The following CEP290 variants were observed in gnomAD, a reference collection of about 807,000 sequenced individuals.
CEP290 encodes centrosomal protein 290.
In CEP290, 317 loss-of-function variants were observed where a neutral mutation model predicts 344.9. That is an observed-to-expected ratio of 0.92 (90% CI 0.84 to 1.01). The LOEUF is 1.01. Ranked by LOEUF, CEP290 falls within the 50% of genes least tolerant of loss-of-function variation. The pLI is 0.00. For missense variants in CEP290, 2,754 were observed against 2,761.4 expected, an observed-to-expected ratio of 1.00 and a Z score of 0.06; for synonymous variants, 932 against 895.8, an observed-to-expected ratio of 1.04 and a Z score of -0.72.
chr12:88,125,388 C>A lies in CEP290; in HGVS notation c.1066-19G>T. 1.7e-6 allele frequency: 2 copies of A among 1,195,622 alleles called. No homozygotes were observed. Among genetic ancestry groups the A allele is most frequent in the South Asian group, 3.0e-5 (1 of 33,222 alleles). The allele number at this position is 1,195,622 out of a possible 1,614,324, so 74.1% of individuals were successfully genotyped here. A position where few individuals can be genotyped will look rare whatever the true frequency, so the allele number is the denominator to read the frequency against. On this transcript the variant is annotated intron_variant, in intron 12 of 53. Transcript: ENST00000552810. ...GTATACCCTATAAAATATTTTAAAACAATATATATCCCTTCATGAATATTA... is the reference window on the plus strand; with the variant it reads ...GTATACCCTATAAAATATTTTAAAAAAATATATATCCCTTCATGAATATTA...
intron 13 of CEP290, among the ~76,000 whole-genome samples, chr12:88,124,068 T>G (rs2039580189): frequency 6.6e-6 from 1 of 152,118 alleles, no homozygotes; most frequent in Non-Finnish European, 1.5e-5. Context: ...AATAGTCTTC[T>G]AACAGGTCTC....
At position 88,079,243 on chromosome 12, in the gene CEP290, A is replaced by G; in HGVS notation, c.5227-14T>C. 1 of 1,324,094 alleles carries G rather than the reference A, an allele frequency of 7.6e-7. No individual in the cohort carries two copies. Among genetic ancestry groups the G allele is most frequent in the Non-Finnish European group, 1.0e-6 (1 of 979,622 alleles). The allele number at this position is 1,324,094 out of a possible 1,614,324, so 82.0% of individuals were successfully genotyped here. A position where few individuals can be genotyped will look rare whatever the true frequency, so the allele number is the denominator to read the frequency against. On this transcript the variant is annotated splice_polypyrimidine_tract_variant and intron_variant, in intron 38 of 53. Coordinates refer to ENST00000552810, the MANE Select transcript of CEP290 (RefSeq NM_025114.4). The stretch of plus-strand genomic sequence containing the variant: ...CCGACTAAGTGCCTAAAAATTAACC[A>G]AAAAAAAAATGTAATTTTTAAAGGA...
chr12:88,109,218 A>C lies in CEP290; in HGVS notation c.2368-37T>G, dbSNP rs115837670. 0.024 allele frequency: 16,295 copies of C among 677,942 alleles called. 320 individuals are homozygous for C. Among genetic ancestry groups the C allele is most frequent in the African/African-American group, 0.073 (3,773 of 51,712 alleles). The allele number at this position is 677,942 out of a possible 1,614,324, so 42.0% of individuals were successfully genotyped here. On this transcript the variant is annotated intron_variant, in intron 22 of 53. Coordinates refer to ENST00000552810, the MANE Select transcript of CEP290 (RefSeq NM_025114.4). ...TTTAGAAATAAGAATGCAAAAAAAA[A>C]CACAATAGAATAAATGCTGAATTTG... is the stretch of plus-strand genomic sequence containing the variant.
chr12:88,128,530 T>C (rs2039870085), intron 11 of CEP290, among the ~76,000 whole-genome samples: 1 of 152,164 alleles, frequency 6.6e-6, no homozygotes, highest in Non-Finnish European at 1.5e-5. Context: ...GTTATTCTGA[T>C]CCCTTTGCTT....
At chr12:88,082,091 T>G (rs1241228671) in intron 37 of CEP290, among the ~76,000 whole-genome samples, 1 of 152,186 alleles carries the variant, frequency 6.6e-6, no homozygotes, top group African/African-American at 2.4e-5. Flanking sequence ...AATGGAATTA[T>G]AAGTCAAGCA....
intron 26 of CEP290, among the ~76,000 whole-genome samples, chr12:88,101,410 G>A (rs2037866542): frequency 6.6e-6 from 1 of 151,066 alleles, no homozygotes; most frequent in Non-Finnish European, 1.5e-5. Flanking sequence ...GAACCCGGGA[G>A]GTGGAGCTTG....
At chr12:88,126,250 A>G in intron 12 of CEP290, 66 bp downstream of exon 12, 1 of 1,293,666 alleles carries the variant, frequency 7.7e-7, no homozygotes, top group Non-Finnish European at 1.0e-6. Flanking sequence ...AATAAATAAA[A>G]GACATCGTTC....
At chr12:88,113,388 A>G (rs1281438233) in intron 20 of CEP290, among the ~76,000 whole-genome samples, 1 of 152,072 alleles carries the variant, frequency 6.6e-6, no homozygotes, top group Non-Finnish European at 1.5e-5. Flanking sequence ...CAGAGAAGGA[A>G]AGTCAGTATG....
intron 32 of CEP290, 66 bp from the exon 33 acceptor site, chr12:88,086,564 T>C (rs1234279641): frequency 1.9e-5 from 21 of 1,102,624 alleles, no homozygotes; most frequent in Middle Eastern, 2.0e-4. Flanking sequence ...AGGCATTTTA[T>C]ATATATTTTC....
chr12:88,099,133 T>A (rs1180089277), intron 26 of CEP290, among the ~76,000 whole-genome samples: 1 of 152,170 alleles, frequency 6.6e-6, no homozygotes, highest in Admixed American at 6.5e-5. Flanking sequence ...AGATGAGTGA[T>A]GATGCTGGTT....
chr12:88,128,159 G>C (rs1378822197), intron 11 of CEP290, among the ~76,000 whole-genome samples: 1 of 152,106 alleles, frequency 6.6e-6, no homozygotes, highest in Non-Finnish European at 1.5e-5. Flanking sequence ...TTATAGCAGA[G>C]ACCAGGTGGT....
At chr12:88,140,563 C>T (rs2040589001) in intron 3 of CEP290, among the ~76,000 whole-genome samples, 1 of 152,176 alleles carries the variant, frequency 6.6e-6, no homozygotes, top group Admixed American at 6.5e-5. Flanking sequence ...CCCTTACTAT[C>T]TTACCACTGC....
chr12:88,088,635 T>C (rs1256848589), intron 31 of CEP290, among the ~76,000 whole-genome samples: 1 of 152,214 alleles, frequency 6.6e-6, no homozygotes, highest in East Asian at 1.9e-4. Flanking sequence ...TTGGAATTTG[T>C]ATCTTAAGCA....
chr12:88,057,280 T>G (rs1307959425), intron 49 of CEP290, among the ~76,000 whole-genome samples: 1 of 152,138 alleles, frequency 6.6e-6, no homozygotes, highest in African/African-American at 2.4e-5. Context: ...AGCCACCTGG[T>G]CCTTTGAGGA....
intron 34 of CEP290, 122 bp from the exon 35 acceptor site, chr12:88,084,974 A>G (rs2036471103): frequency 2.8e-6 from 2 of 710,266 alleles, no homozygotes; most frequent in Non-Finnish European, 4.4e-6. Context: ...TCATATGTAC[A>G]ATAGCCATTT....
At chr12:88,107,765 G>A (rs1473413780) in intron 23 of CEP290, among the ~76,000 whole-genome samples, 1 of 152,012 alleles carries the variant, frequency 6.6e-6, no homozygotes, top group East Asian at 1.9e-4. Context: ...AGCCAGGCGT[G>A]GTGGCACATG....
chr12:88,086,701 G>GTCTATCCATCCATCCATCCATCCA (rs2036602252), intron 32 of CEP290, among the ~76,000 whole-genome samples: 1 of 26,006 alleles, frequency 3.8e-5, no homozygotes, highest in South Asian at 1.8e-3. Flanking sequence ...AAGGATTTCA[G>GTCTATCCATCCATCCATCCATCCA]TCTATCCATC....
intron 44 of CEP290, among the ~76,000 whole-genome samples, chr12:88,068,168 AT>A (rs2035082140): frequency 6.6e-6 from 1 of 152,168 alleles, no homozygotes; most frequent in African/African-American, 2.4e-5. Flanking sequence ...TAAGCTAAAA[AT>A]ATAGCATAAA....
At position 88,086,156 on chromosome 12, in the gene CEP290, T is replaced by A. The variant is rs372184970; in HGVS notation, c.4320A>T (p.Gly1440=). Residue 1440 remains glycine, a synonymous_variant, in exon 34 of 54, where the codon GGA becomes GGT. Transcript: ENST00000552810. ...GGGGCAAACTAGGGTCAGGGATTGA[T>A]CCTGTAGCTTCTTCAAACTATTAAG... The part of the protein sequence containing the change: ...NAAQKFEEAT[G]SIPDPSLPLP... 2 of 1,610,598 alleles carry A rather than the reference T, an allele frequency of 1.2e-6. No individual in the cohort carries two copies. Among genetic ancestry groups the A allele is most frequent in the African/African-American group, 2.7e-5 (2 of 74,776 alleles).
Sources: gnomAD v4.1 joint callset for allele counts (sites outside exome capture counted in the v4.1 genomes callset) on GRCh38, gnomAD v4.1.1 for gene constraint, MANE v1.5 for transcripts, NCBI Gene and HGNC (gene_info 2026-07-23, HGNC 2026-07-21) for gene names.